Variants in FAM163A observed in about 807,000 individuals in gnomAD.
FAM163A encodes protein FAM163A.
In FAM163A, 7 loss-of-function variants were observed where a neutral mutation model predicts 12.0. The observed-to-expected ratio is 0.58, with a 90% confidence interval of 0.33 to 1.10. The LOEUF (loss-of-function observed/expected upper bound fraction) is 1.10. FAM163A is among the 50% of genes least tolerant of loss of function. FAM163A has a pLI of 0.03. For synonymous variants in FAM163A, 101 were observed against 91.0 expected (o/e 1.11, Z -0.62); for missense variants, 202 against 218.6 (o/e 0.92, Z 0.48).
chr1:179,738,804 T>C (rs1047471114), upstream of FAM163A, among the ~76,000 whole-genome samples: 1 of 152,198 alleles, frequency 6.6e-6, no homozygotes, highest in South Asian at 2.1e-4. Context: ...TATTAATAGA[T>C]ATAGAGGAGA....
Position 179,778,912 on chromosome 1 carries a change from C to G in FAM163A, c.-135-28886C>G, listed in dbSNP as rs72708630. ...ACACAGACCTAATAGAGGCTCCGAG[C>G]TAGACTCACAGGGTTTGGGAGGGAG... On this transcript the variant is annotated intron_variant, in intron 1 of 4. Coordinates refer to ENST00000341785, the MANE Select transcript of FAM163A (RefSeq NM_173509.3). 4.3e-4 allele frequency among the ~76,000 whole-genome samples: 65 copies of G among 152,290 alleles called. 1 individual carries two copies. The South Asian group carries it at 5.4e-3, about 13-fold the overall frequency.
At chr1:179,788,553 G>T (rs560543264) in intron 1 of FAM163A, among the ~76,000 whole-genome samples, 1 of 152,276 alleles carries the variant, frequency 6.6e-6, no homozygotes, top group South Asian at 2.1e-4. Flanking sequence ...GAGCTTTCGG[G>T]TTTGCGGATC....
intron 1 of FAM163A, among the ~76,000 whole-genome samples, chr1:179,755,722 C>T (rs150932049): frequency 1.2e-3 from 178 of 152,302 alleles, no homozygotes; most frequent in African/African-American, 4.1e-3. Flanking sequence ...CAGGTAGGGC[C>T]TATTTCCAAG....
At chr1:179,730,842 A>G in the FAM163A span, among the ~76,000 whole-genome samples, 1 of 152,214 alleles carries the variant, frequency 6.6e-6, no homozygotes, top group Non-Finnish European at 1.5e-5. Context: ...GATGGCATAC[A>G]AAGCTCAAAA....
At chr1:179,803,676 C>A (rs986187461) in intron 1 of FAM163A, among the ~76,000 whole-genome samples, 4 of 152,026 alleles carry the variant, frequency 2.6e-5, no homozygotes, top group Non-Finnish European at 4.4e-5. Flanking sequence ...TCAAGCAATT[C>A]TCCTGCCTCA....
At chr1:179,797,879 G>A (rs942136197) in intron 1 of FAM163A, among the ~76,000 whole-genome samples, 1 of 152,166 alleles carries the variant, frequency 6.6e-6, no homozygotes, top group African/African-American at 2.4e-5. Context: ...ATGTGGAATA[G>A]GAACCATATG....
intron 1 of FAM163A, among the ~76,000 whole-genome samples, chr1:179,798,218 T>C (rs1208836790): frequency 6.7e-6 from 1 of 149,838 alleles, no homozygotes; most frequent in Non-Finnish European, 1.5e-5. Context: ...CCAGACTCCA[T>C]CTCAAAAAAA....
chr1:179,779,576 G>A (rs1343123768), intron 1 of FAM163A, among the ~76,000 whole-genome samples: 2 of 152,216 alleles, frequency 1.3e-5, no homozygotes, highest in African/African-American at 4.8e-5. Flanking sequence ...TGTTTCCATT[G>A]AATGAATAGA....
At chr1:179,810,054 A>G (rs141794978) in intron 2 of FAM163A, among the ~76,000 whole-genome samples, 41 of 152,300 alleles carry the variant, frequency 2.7e-4, no homozygotes, top group African/African-American at 9.1e-4. Flanking sequence ...GTGACAAGCT[A>G]AACAGTGAGC....
rs76434644 is a variant in FAM163A at position 179,785,251 on chromosome 1, A to G, written c.-135-22547A>G. Among the ~76,000 whole-genome samples, 1,149 of 152,284 alleles carry G rather than the reference A, an allele frequency of 7.5e-3. 20 individuals are homozygous for G. The highest frequency in any genetic ancestry group is 0.026 in the African/African-American group (1,071 of 41,552). On this transcript the variant is annotated intron_variant, in intron 1 of 4. Coordinates refer to ENST00000341785, the MANE Select transcript of FAM163A (RefSeq NM_173509.3). ...AAGTTACCACTGCTTGTTTCCAGAA[A>G]ACCAATTAAGAAACCATAAATTGTG...
chr1:179,779,266 GAGTAGA>G lies in FAM163A; in HGVS notation c.-135-28529_-135-28524del, dbSNP rs546552819. On this transcript the variant is annotated intron_variant, in intron 1 of 4. Coordinates refer to ENST00000341785, the MANE Select transcript of FAM163A (RefSeq NM_173509.3). ...TCCTGGCAGTAGTCTGTGGTAGCAG[GAGTAGA>G]AGGAATAGGTTGGATTTCAGCCTTT... is the stretch of plus-strand genomic sequence containing the variant. 3.1e-4 allele frequency among the ~76,000 whole-genome samples: 47 copies of G among 152,312 alleles called. No homozygotes were observed. In the East Asian group the frequency reaches 6.7e-3, roughly 22 times the overall value.
At chr1:179,784,378 G>A (rs1690301728) in intron 1 of FAM163A, among the ~76,000 whole-genome samples, 2 of 152,222 alleles carry the variant, frequency 1.3e-5, no homozygotes, top group Admixed American at 1.3e-4. Context: ...GGATGTTGGA[G>A]AAAAGTTACT....
chr1:179,789,480 C>T (rs1050290240), intron 1 of FAM163A, among the ~76,000 whole-genome samples: 4 of 152,256 alleles, frequency 2.6e-5, no homozygotes, highest in Admixed American at 6.5e-5. Context: ...CCGCCCCCGG[C>T]AGGGATCAGA....
At chr1:179,748,620 C>T (rs184082817) in intron 1 of FAM163A, among the ~76,000 whole-genome samples, 1 of 152,326 alleles carries the variant, frequency 6.6e-6, no homozygotes, top group East Asian at 1.9e-4. Context: ...ACTAAAGAAG[C>T]AAACACTAAG....
chr1:179,750,853 G>T (rs1281345896), intron 1 of FAM163A, among the ~76,000 whole-genome samples: 1 of 152,230 alleles, frequency 6.6e-6, no homozygotes, highest in East Asian at 1.9e-4. Context: ...CAGTTGTTTA[G>T]ACTGGAAAGT....
chr1:179,743,611 C>T (rs896880713), intron 1 of FAM163A, among the ~76,000 whole-genome samples, 188 bp downstream of exon 1: 1 of 152,200 alleles, frequency 6.6e-6, no homozygotes, highest in Non-Finnish European at 1.5e-5. Context: ...GCGCCGCCTT[C>T]AGCGTAGCAG....
chr1:179,760,156 G>C (rs1430671889), intron 1 of FAM163A, among the ~76,000 whole-genome samples: 1 of 152,236 alleles, frequency 6.6e-6, no homozygotes, highest in Admixed American at 6.5e-5. Context: ...GAGCATGCCA[G>C]AGGAGTTGGA....
At chr1:179,743,585 C>T (rs1262184503) in intron 1 of FAM163A, among the ~76,000 whole-genome samples, 162 bp downstream of exon 1, 1 of 152,132 alleles carries the variant, frequency 6.6e-6, no homozygotes, top group East Asian at 1.9e-4. Context: ...GCCCCGGCTG[C>T]CTCCCTCTGC....
chr1:179,745,246 G>T (rs2504039), intron 1 of FAM163A, among the ~76,000 whole-genome samples: 93,461 of 152,030 alleles, frequency 0.61, 29,498 homozygotes, highest in African/African-American at 0.76. Flanking sequence ...TGCATTCAGT[G>T]ACCTCATCAG....
Sources: allele counts gnomAD v4.1 joint callset (sites outside exome capture counted in the v4.1 genomes callset), GRCh38; gene constraint gnomAD v4.1.1; transcripts MANE v1.5; gene names NCBI Gene and HGNC (gene_info 2026-07-23, HGNC 2026-07-21).